MTA3: variants seen among roughly 807,000 people sequenced by gnomAD.
MTA3 encodes the protein metastasis-associated protein MTA3.
MTA3 carries 34 observed loss-of-function variants against 83.5 expected under a neutral mutation model. The ratio of observed to expected loss-of-function variants is 0.41; its 90% CI spans 0.31 to 0.54. The LOEUF is 0.54. Among genes scored for constraint, MTA3 ranks in the 20% least tolerant of loss-of-function variants. The pLI is 0.33. For synonymous variants in MTA3, 303 were observed against 252.7 expected (o/e 1.20, Z -1.89); for missense variants, 761 against 726.4 (o/e 1.05, Z -0.55).
chr2:42,542,044 G>T (rs1676540742), intron 2 of MTA3, among the ~76,000 whole-genome samples: 1 of 152,162 alleles, frequency 6.6e-6, no homozygotes, highest in South Asian at 2.1e-4. Context: ...TGTGTGTGCT[G>T]TCTCCTTTCT....
chr2:42,500,160 A>G (rs1206964326), intron 2 of MTA3, among the ~76,000 whole-genome samples: 1 of 152,140 alleles, frequency 6.6e-6, no homozygotes, highest in Non-Finnish European at 1.5e-5. Context: ...GCACTTTGTG[A>G]GGCTGAGGCA....
intron 2 of MTA3, among the ~76,000 whole-genome samples, chr2:42,544,693 T>A (rs538390215): frequency 4.6e-5 from 7 of 151,746 alleles, no homozygotes; most frequent in African/African-American, 7.2e-5. Context: ...AGCATTTTTT[T>A]AAAAAAAACA....
At chr2:42,536,284 G>T (rs1022400821) in intron 2 of MTA3, among the ~76,000 whole-genome samples, 8 of 151,674 alleles carry the variant, frequency 5.3e-5, no homozygotes, top group African/African-American at 1.9e-4. Context: ...GACCAGCCTG[G>T]CCAATATGAA....
chr2:42,626,347 G>A (rs1053811268), intron 4 of MTA3, among the ~76,000 whole-genome samples: 2 of 151,568 alleles, frequency 1.3e-5, no homozygotes, highest in African/African-American at 4.9e-5. Context: ...ACCCAGGCTG[G>A]AGTGCAGTGG....
chr2:42,550,942 T>C (rs1278680760), intron 2 of MTA3, among the ~76,000 whole-genome samples: 1 of 151,520 alleles, frequency 6.6e-6, no homozygotes, highest in East Asian at 2.0e-4. Flanking sequence ...CCCCAACTAC[T>C]TGAGAGGCTG....
At chr2:42,697,006 G>T (rs140102657) in intron 10 of MTA3, among the ~76,000 whole-genome samples, 4 of 152,316 alleles carry the variant, frequency 2.6e-5, no homozygotes, top group African/African-American at 9.6e-5. Flanking sequence ...CTTCAACCCT[G>T]TTCTAAAAGT....
Position 42,535,077 on chromosome 2 carries a change from G to A in MTA3, c.-140-35360G>A, listed in dbSNP as rs536145901. On this transcript the variant is annotated intron_variant, in intron 2 of 17. Coordinates refer to the MTA3 transcript ENST00000405592. ...CCCATATTTCAAGCAGTAGAAAGGA[G>A]AAAGGGCAAGGAATAAGACCCAGTA... is the stretch of plus-strand genomic sequence containing the variant. Among the ~76,000 whole-genome samples the A allele has an allele frequency of 8.5e-5, 13 of 152,132 alleles. No individual in the cohort carries two copies. In the South Asian group the frequency reaches 1.0e-3, roughly 12 times the overall value.
At chr2:42,712,050 A>G (rs1033573018) in intron 14 of MTA3, among the ~76,000 whole-genome samples, 2 of 152,130 alleles carry the variant, frequency 1.3e-5, no homozygotes, top group African/African-American at 2.4e-5. Flanking sequence ...GACCTCTTCA[A>G]TTGCCTCTGG....
chr2:42,653,470 A>G (rs886961627), intron 6 of MTA3, among the ~76,000 whole-genome samples: 2 of 152,236 alleles, frequency 1.3e-5, no homozygotes, highest in Non-Finnish European at 2.9e-5. Flanking sequence ...GCTTTTTAAA[A>G]GTTTTTTCCA....
rs534580004 is a variant in MTA3, at chr2:42,754,533, G to T, written c.*1134G>T. 4.1e-6 allele frequency: 4 copies of T among 985,340 alleles called. No homozygotes were observed. Among genetic ancestry groups the T allele is most frequent in the Non-Finnish European group, 4.8e-6 (4 of 829,964 alleles). The allele number at this position is 985,340 out of a possible 1,614,324, so 61.0% of individuals were successfully genotyped here. A position where few individuals can be genotyped will look rare whatever the true frequency, so the allele number is the denominator to read the frequency against. On this transcript the variant is annotated 3_prime_UTR_variant, in exon 17 of 17. Coordinates refer to ENST00000405094, the MANE Select transcript of MTA3 (RefSeq NM_001330442.2). ...CCACTCAGCTGTGCTGAGTAGCTGT[G>T]CTACTTGTGCTGGCAGCTGCAAGGA...
At chr2:42,646,983 C>T (rs1029772323) in intron 6 of MTA3, among the ~76,000 whole-genome samples, 5 of 151,336 alleles carry the variant, frequency 3.3e-5, no homozygotes, top group Non-Finnish European at 7.4e-5. Context: ...GGTGAAACCT[C>T]GTCTCTACTA....
intron 9 of MTA3, among the ~76,000 whole-genome samples, chr2:42,686,740 T>A (rs1167667510): frequency 6.6e-6 from 1 of 151,868 alleles, no homozygotes; most frequent in Admixed American, 6.6e-5. Flanking sequence ...GGCAGGAGAA[T>A]CGCTGGAACC....
intron 2 of MTA3, among the ~76,000 whole-genome samples, chr2:42,519,605 CA>C (rs767935416): frequency 3.1e-3 from 328 of 106,500 alleles, no homozygotes; most frequent in African/African-American, 8.8e-3. Flanking sequence ...GACTCTGTCT[CA>C]AAAAAAAAAA....
chr2:42,676,174 T>A (rs1299279596), intron 8 of MTA3, among the ~76,000 whole-genome samples: 1 of 152,238 alleles, frequency 6.6e-6, no homozygotes, highest in Middle Eastern at 3.2e-3. Context: ...AGCAAATGGT[T>A]CCTTCAGTGT....
chr2:42,753,620 A>G lies in MTA3; in HGVS notation c.*221A>G. 1.4e-5 allele frequency: 19 copies of G among 1,363,498 alleles called. No homozygotes were observed. Among genetic ancestry groups the G allele is most frequent in the Non-Finnish European group, 1.8e-5 (19 of 1,056,822 alleles). The allele number at this position is 1,363,498 out of a possible 1,614,324, so 84.5% of individuals were successfully genotyped here. On this transcript the variant is annotated 3_prime_UTR_variant, in exon 17 of 17. Coordinates refer to ENST00000405094, the MANE Select transcript of MTA3 (RefSeq NM_001330442.2). The stretch of plus-strand genomic sequence containing the variant: ...ATCAGCAGCACCTCGCTTTCTTGTC[A>G]GAGACCTCGCTGTTACGGAGCGAGA...
rs76753082 is a variant in MTA3 at position 42,723,695 on chromosome 2, G to T, written c.1759+660G>T. ...ATAATAAATCATCCAGGCAGTATAT[G>T]TTCTTCATTTCAGTAGTTCTGGACT... On this transcript the variant is annotated intron_variant, in intron 16 of 16. Coordinates refer to ENST00000405094, the MANE Select transcript of MTA3 (RefSeq NM_001330442.2). 1.1e-4 allele frequency among the ~76,000 whole-genome samples: 16 copies of T among 152,228 alleles called. No homozygotes were observed. The East Asian group carries it at 3.1e-3, about 29-fold the overall frequency.
intron 2 of MTA3, among the ~76,000 whole-genome samples, chr2:42,555,546 G>T (rs887454638): frequency 6.7e-6 from 1 of 148,932 alleles, no homozygotes; most frequent in African/African-American, 2.5e-5. Context: ...AGATCACGAG[G>T]TCAGGAGATC....
At chr2:42,548,373 C>T (rs557787812) in intron 2 of MTA3, among the ~76,000 whole-genome samples, 1 of 151,820 alleles carries the variant, frequency 6.6e-6, no homozygotes, top group East Asian at 1.9e-4. Context: ...GGCTGAGGCA[C>T]AAGAATTGCT....
chr2:42,570,317 A>C (rs916938330), intron 1 of MTA3, 120 bp from the exon 2 acceptor site: 2 of 542,532 alleles, frequency 3.7e-6, no homozygotes, highest in Non-Finnish European at 6.6e-6. Flanking sequence ...GTTTGCTTTT[A>C]CCAGTGAATG....
Sources: gnomAD v4.1 joint callset for allele counts (sites outside exome capture counted in the v4.1 genomes callset) on GRCh38, gnomAD v4.1.1 for gene constraint, MANE v1.5 for transcripts, NCBI Gene and HGNC (gene_info 2026-07-23, HGNC 2026-07-21) for gene names.